Variants in CACNA2D2 observed in about 807,000 individuals in gnomAD.
CACNA2D2 encodes the protein voltage-dependent calcium channel subunit alpha-2/delta-2.
A neutral mutation model predicts 166.4 loss-of-function variants in CACNA2D2; 48 were observed. That is an observed-to-expected ratio of 0.29 (90% CI 0.23 to 0.37). The LOEUF is 0.37. CACNA2D2 is among the 10% of genes least tolerant of loss of function. The pLI is 1.00. For synonymous variants in CACNA2D2, 561 were observed against 573.7 expected (o/e 0.98, Z 0.32); for missense variants, 1,122 against 1,433.0 (o/e 0.78, Z 3.50).
intron 1 of CACNA2D2, among the ~76,000 whole-genome samples, chr3:50,494,025 G>A (rs2107169423): frequency 6.6e-6 from 1 of 152,346 alleles, no homozygotes; most frequent in South Asian, 2.1e-4. Context: ...GTGGGGCTCT[G>A]CCCATGGCAG....
chr3:50,365,920 C>T lies in CACNA2D2; in HGVS notation c.2863-58G>A. ...GCTGCCCCTCGCCCTAGGTCACCCC[C>T]AGCTTTATCAAATGTCAGAGGTAGG... is the stretch of plus-strand genomic sequence containing the variant. On this transcript the variant is annotated intron_variant, in intron 32 of 37. Transcript: ENST00000424201. The surrounding 1 kb of genome is among the most constrained non-coding windows in gnomAD (Gnocchi z 4.5). 6.2e-7 allele frequency: 1 copy of T among 1,612,348 alleles called. No individual in the cohort carries two copies.
chr3:50,485,072 C>A (rs1457079616), intron 1 of CACNA2D2, among the ~76,000 whole-genome samples: 1 of 152,228 alleles, frequency 6.6e-6, no homozygotes, highest in East Asian at 1.9e-4. Flanking sequence ...ATTCATGGCT[C>A]TCCCAGAAGG....
chr3:50,372,747 G>A (rs1295077766), intron 22 of CACNA2D2, among the ~76,000 whole-genome samples: 1 of 152,172 alleles, frequency 6.6e-6, no homozygotes, highest in Non-Finnish European at 1.5e-5. Flanking sequence ...CCCTACTGTT[G>A]AGTTGTCTTA....
chr3:50,363,173 T>A lies in CACNA2D2; in HGVS notation c.*1493A>T, dbSNP rs1461167566. On this transcript the variant is annotated 3_prime_UTR_variant, in exon 38 of 38. Coordinates refer to ENST00000424201, the MANE Select transcript of CACNA2D2 (RefSeq NM_006030.4). ...CATTGAGCACCTGACTACACTACAG[T>A]TACACGCACGCCCCCGAAGGACACA... 1 of 398,758 alleles carries A rather than the reference T, an allele frequency of 2.5e-6. No homozygotes were observed. The highest frequency in any genetic ancestry group is 2.1e-5 in the African/African-American group (1 of 48,608). The allele number at this position is 398,758 out of a possible 1,614,324, so 24.7% of individuals were successfully genotyped here. A position where few individuals can be genotyped will look rare whatever the true frequency, so the allele number is the denominator to read the frequency against.
intron 1 of CACNA2D2, among the ~76,000 whole-genome samples, chr3:50,501,385 C>T (rs1397920143): frequency 7.0e-6 from 1 of 143,120 alleles, no homozygotes; most frequent in Non-Finnish European, 1.5e-5. Context: ...AGCCCCCACC[C>T]CACCCCCACC....
At chr3:50,488,711 T>C (rs1191136173) in intron 1 of CACNA2D2, among the ~76,000 whole-genome samples, 1 of 151,850 alleles carries the variant, frequency 6.6e-6, no homozygotes, top group Non-Finnish European at 1.5e-5. Context: ...TGTTTGTTTT[T>C]GTTTTTGAGA....
intron 4 of CACNA2D2, among the ~76,000 whole-genome samples, chr3:50,393,653 G>A (rs943883426): frequency 1.3e-5 from 2 of 152,230 alleles, no homozygotes; most frequent in African/African-American, 4.8e-5. Context: ...CCTGAGCCCA[G>A]CCTGAGGGCC....
In CACNA2D2 at chr3:50,376,339, G is replaced by A; in HGVS notation, c.1627-151C>T. The A allele has an allele frequency of 1.2e-6, 1 of 822,278 alleles. No individual in the cohort carries two copies. The highest frequency in any genetic ancestry group is 1.9e-6 in the Non-Finnish European group (1 of 526,302). The allele number at this position is 822,278 out of a possible 1,614,324, so 50.9% of individuals were successfully genotyped here. On this transcript the variant is annotated intron_variant, in intron 17 of 37. Transcript: ENST00000424201. The surrounding 1 kb of genome is among the most constrained non-coding windows in gnomAD (Gnocchi z 4.3). ...GCCCCCCCATGCCACGTGGCCCTAA[G>A]CCTGTCTCTCCAGCCAGGCCCGCAG...
At chr3:50,374,845 G>T in intron 21 of CACNA2D2, 32 bp from the exon 22 acceptor site, 1 of 1,535,062 alleles carries the variant, frequency 6.5e-7, no homozygotes, top group East Asian at 2.4e-5. Context: ...TCACGGCTGG[G>T]GGGAGGCGGG....
At chr3:50,435,300 C>T (rs1041336601) in intron 2 of CACNA2D2, among the ~76,000 whole-genome samples, 18 of 150,600 alleles carry the variant, frequency 1.2e-4, no homozygotes, top group African/African-American at 1.5e-4. Flanking sequence ...TGGGTGTGTG[C>T]GTGTGCGTGT....
chr3:50,498,327 AG>A (rs1272369391), intron 1 of CACNA2D2, among the ~76,000 whole-genome samples: 1 of 151,960 alleles, frequency 6.6e-6, no homozygotes, highest in East Asian at 1.9e-4. Flanking sequence ...ATAAGATCCT[AG>A]CCCTGTGAAG....
intron 1 of CACNA2D2, among the ~76,000 whole-genome samples, chr3:50,481,652 A>G (rs1375550774): frequency 1.3e-5 from 2 of 152,170 alleles, no homozygotes; most frequent in African/African-American, 4.8e-5. Flanking sequence ...TGCTTCTCTC[A>G]TGATAGGCTG....
Position 50,366,812 on chromosome 3 carries a change from C to T in CACNA2D2, c.2589+19G>A. The T allele has an allele frequency of 6.2e-7, 1 of 1,611,546 alleles. No individual in the cohort carries two copies. Among genetic ancestry groups the T allele is most frequent in the East Asian group, 2.2e-5 (1 of 44,792 alleles). On this transcript the variant is annotated intron_variant, in intron 29 of 37. Coordinates refer to ENST00000424201, the MANE Select transcript of CACNA2D2 (RefSeq NM_006030.4). This position sits in a 1 kb window ranked among gnomAD's most constrained non-coding sequence, Gnocchi z 5.9. ...GGAAGGGCACTGCTGGGTTACTGCC[C>T]CCGCCCCTGCCCAAATACCTTCTGA...
intron 1 of CACNA2D2, among the ~76,000 whole-genome samples, chr3:50,485,938 G>C (rs745703055): frequency 1.3e-5 from 2 of 152,148 alleles, no homozygotes; most frequent in Admixed American, 1.3e-4. Flanking sequence ...GTGGATCCAG[G>C]GTTCTCCAGG....
intron 2 of CACNA2D2, among the ~76,000 whole-genome samples, chr3:50,450,494 G>C (rs1230320623): frequency 1.3e-5 from 2 of 152,126 alleles, no homozygotes; most frequent in Non-Finnish European, 2.9e-5. Context: ...AGGCTCTGGA[G>C]CCCGCCCTGC....
chr3:50,494,538 A>G (rs1698648884), intron 1 of CACNA2D2, among the ~76,000 whole-genome samples: 1 of 152,186 alleles, frequency 6.6e-6, no homozygotes, highest in Non-Finnish European at 1.5e-5. Context: ...TCTCTGAAAC[A>G]GCACAGGGAC....
chr3:50,490,268 C>T (rs1256816688), intron 1 of CACNA2D2, among the ~76,000 whole-genome samples: 2 of 152,148 alleles, frequency 1.3e-5, no homozygotes, highest in East Asian at 3.9e-4. Flanking sequence ...TAGGACATTG[C>T]TCAGAACCAA....
At chr3:50,476,961 G>A (rs771656459) in intron 1 of CACNA2D2, among the ~76,000 whole-genome samples, 1 of 138,298 alleles carries the variant, frequency 7.2e-6, no homozygotes, top group African/African-American at 2.7e-5. Context: ...ACAGAGTCTC[G>A]ATCTGTCGCC....
Position 50,377,558 on chromosome 3 carries a change from G to C in CACNA2D2, c.1552-17C>G. 6.2e-7 allele frequency: 1 copy of C among 1,611,068 alleles called. No individual in the cohort carries two copies. On this transcript the variant is annotated splice_polypyrimidine_tract_variant and intron_variant, in intron 16 of 37. Transcript: ENST00000424201. ...CAGCTGGTTCTGGGAGCAGAAGCATGGGGGGCTCCTCAGTGAGCTCAATTC... is the reference window on the plus strand; with the variant it reads ...CAGCTGGTTCTGGGAGCAGAAGCATCGGGGGCTCCTCAGTGAGCTCAATTC...
Sources: allele counts gnomAD v4.1 joint callset (sites outside exome capture counted in the v4.1 genomes callset), GRCh38; gene constraint gnomAD v4.1.1; non-coding constraint Gnocchi (gnomAD v3.1); transcripts MANE v1.5; gene names NCBI Gene and HGNC (gene_info 2026-07-23, HGNC 2026-07-21).